TASP1: variants seen among roughly 807,000 people sequenced by gnomAD.
TASP1 encodes the protein threonine aspartase 1.
Under a neutral mutation model 56.6 loss-of-function variants are expected in TASP1, and 16 were observed. That is an observed-to-expected ratio of 0.28 (90% CI 0.19 to 0.43). The LOEUF (loss-of-function observed/expected upper bound fraction) is 0.43. TASP1 is among the 20% of genes least tolerant of loss of function. TASP1 has a pLI of 1.00. For missense variants in TASP1, 393 were observed against 511.6 expected, an observed-to-expected ratio of 0.77 and a Z score of 2.24; for synonymous variants, 179 against 184.2, an observed-to-expected ratio of 0.97 and a Z score of 0.23.
the TASP1 span, among the ~76,000 whole-genome samples, chr20:13,140,798 A>G: frequency 3.3e-5 from 5 of 152,240 alleles, no homozygotes; most frequent in African/African-American, 4.8e-5. Flanking sequence ...AAAGGAAAAA[A>G]GAGTGACACT....
At chr20:13,594,980 T>C (rs1316225028) in intron 4 of TASP1, among the ~76,000 whole-genome samples, 1 of 151,884 alleles carries the variant, frequency 6.6e-6, no homozygotes, top group Non-Finnish European at 1.5e-5. Flanking sequence ...CAGAAAGAAA[T>C]GTCAGGTTAC....
At chr20:13,329,899 A>C in the TASP1 span, among the ~76,000 whole-genome samples, 1 of 152,140 alleles carries the variant, frequency 6.6e-6, no homozygotes, top group African/African-American at 2.4e-5. Context: ...CAACTTGAGA[A>C]TGTTCATCTT....
At chr20:13,368,559 T>A in the TASP1 span, 3 of 152,232 alleles carry the variant, frequency 2.0e-5, no homozygotes, top group Admixed American at 6.5e-5. Flanking sequence ...ACTTCTGTCC[T>A]GCCACAGGCA....
chr20:13,300,983 C>A, the TASP1 span, among the ~76,000 whole-genome samples: 1 of 152,202 alleles, frequency 6.6e-6, no homozygotes, highest in South Asian at 2.1e-4. Context: ...AACTACTCAT[C>A]ATGAAAAGTA....
the TASP1 span, among the ~76,000 whole-genome samples, chr20:13,333,302 A>T: frequency 3.3e-5 from 5 of 152,304 alleles, no homozygotes; most frequent in Admixed American, 2.0e-4. Flanking sequence ...ACATTTTGAG[A>T]TCATTAACTA....
intron 11 of TASP1, among the ~76,000 whole-genome samples, chr20:13,436,320 T>C (rs1201620424): frequency 6.6e-6 from 1 of 151,260 alleles, no homozygotes; most frequent in Non-Finnish European, 1.5e-5. Flanking sequence ...CATTATTTTG[T>C]TTTGTTTTTA....
intron 8 of TASP1, among the ~76,000 whole-genome samples, chr20:13,551,307 C>T (rs2045975255): frequency 6.6e-6 from 1 of 152,106 alleles, no homozygotes; most frequent in Non-Finnish European, 1.5e-5. Flanking sequence ...CATGTAAGTA[C>T]TGCTTTACCT....
the TASP1 span, among the ~76,000 whole-genome samples, chr20:13,324,859 G>T: frequency 6.6e-6 from 1 of 152,146 alleles, no homozygotes; most frequent in African/African-American, 2.4e-5. Flanking sequence ...TTATTTTCTG[G>T]ATGAGAAAAT....
At chr20:13,403,254 T>A (rs1467887776) in intron 13 of TASP1, among the ~76,000 whole-genome samples, 1 of 152,170 alleles carries the variant, frequency 6.6e-6, no homozygotes, top group Non-Finnish European at 1.5e-5. Context: ...AGAGTTGCAT[T>A]TTGTCAAAAT....
At chr20:13,126,666 C>T in the TASP1 span, 3 of 1,613,968 alleles carry the variant, frequency 1.9e-6, no homozygotes, top group African/African-American at 2.7e-5. Flanking sequence ...GATAGCAGAG[C>T]AAATCATCAG....
chr20:13,171,330 A>G, the TASP1 span, among the ~76,000 whole-genome samples: 1 of 152,224 alleles, frequency 6.6e-6, no homozygotes, highest in Admixed American at 6.5e-5. Flanking sequence ...ATATATAAAA[A>G]TGTGTTAATA....
At chr20:13,396,097 G>A (rs2041525618) in intron 13 of TASP1, among the ~76,000 whole-genome samples, 1 of 152,112 alleles carries the variant, frequency 6.6e-6, no homozygotes. Flanking sequence ...TGTCTGGTTG[G>A]TTTTTATTGC....
chr20:13,230,805 A>G, the TASP1 span, among the ~76,000 whole-genome samples: 1 of 152,210 alleles, frequency 6.6e-6, no homozygotes, highest in Non-Finnish European at 1.5e-5. Flanking sequence ...TAAACCTTAT[A>G]CAATTCCTTT....
intron 4 of TASP1, among the ~76,000 whole-genome samples, chr20:13,610,559 G>T (rs982720474): frequency 6.6e-6 from 1 of 152,038 alleles, no homozygotes; most frequent in Non-Finnish European, 1.5e-5. Flanking sequence ...ACACAAGAAA[G>T]CTTTGAAACT....
At chr20:13,395,994 C>T (rs367674153) in intron 13 of TASP1, among the ~76,000 whole-genome samples, 1 of 151,992 alleles carries the variant, frequency 6.6e-6, no homozygotes, top group Non-Finnish European at 1.5e-5. Context: ...CCACTGCGCC[C>T]GGCCACCCTC....
At chr20:13,360,351 C>T in the TASP1 span, among the ~76,000 whole-genome samples, 2 of 151,014 alleles carry the variant, frequency 1.3e-5, no homozygotes, top group Admixed American at 1.3e-4. Flanking sequence ...CAATCAAGCC[C>T]AAATTTCTTC....
At chr20:13,386,146 T>C (rs1040492712), downstream of TASP1, among the ~76,000 whole-genome samples, 2 of 152,234 alleles carry the variant, frequency 1.3e-5, no homozygotes, top group Non-Finnish European at 2.9e-5. Context: ...AACAAATATA[T>C]GTACTGGGCA....
chr20:13,385,487 CAGG>C (rs1568731362), downstream of TASP1, among the ~76,000 whole-genome samples: 1 of 152,178 alleles, frequency 6.6e-6, no homozygotes, highest in Non-Finnish European at 1.5e-5. Flanking sequence ...GTGCACATGT[CAGG>C]AGGAGAGCCC....
the TASP1 span, among the ~76,000 whole-genome samples, chr20:13,260,576 G>A: frequency 1.3e-5 from 2 of 150,156 alleles, no homozygotes; most frequent in African/African-American, 4.9e-5. Context: ...TCAATTTGAT[G>A]TTTTCAGCAT....
Sources: allele counts gnomAD v4.1 joint callset (sites outside exome capture counted in the v4.1 genomes callset), GRCh38; gene constraint gnomAD v4.1.1; transcripts MANE v1.5; gene names NCBI Gene and HGNC (gene_info 2026-07-23, HGNC 2026-07-21).